Variants in KCNB2 observed in about 807,000 individuals in gnomAD.
KCNB2 encodes delayed rectifier potassium channel protein.
Under a neutral mutation model 61.5 loss-of-function variants are expected in KCNB2, and 15 were observed. The observed-to-expected ratio is 0.24, with a 90% confidence interval of 0.16 to 0.38. KCNB2 has a LOEUF of 0.38. Among genes scored for constraint, KCNB2 ranks in the 10% least tolerant of loss-of-function variants. The pLI is 1.00. For synonymous variants in KCNB2, 457 were observed against 446.0 expected (o/e 1.02, Z -0.31); for missense variants, 828 against 1,125.2 (o/e 0.74, Z 3.78).
chr8:72,728,108 G>A (rs1209315936), intron 2 of KCNB2, among the ~76,000 whole-genome samples: 1 of 152,172 alleles, frequency 6.6e-6, no homozygotes, highest in Non-Finnish European at 1.5e-5. Context: ...AAACCTTGCA[G>A]AAGAATGGAG....
intron 2 of KCNB2, among the ~76,000 whole-genome samples, chr8:72,844,587 G>T (rs1809954019): frequency 6.6e-6 from 1 of 152,162 alleles, no homozygotes. Flanking sequence ...ATCAAATGTA[G>T]GTTTGGTCTT....
intron 2 of KCNB2, among the ~76,000 whole-genome samples, chr8:72,711,620 T>C (rs2251379): frequency 0.018 from 2,793 of 152,270 alleles, 52 homozygotes; most frequent in Non-Finnish European, 0.029. Context: ...ACAAAGATGG[T>C]GCACAGGGTT....
At chr8:72,836,816 T>C (rs1367738098) in intron 2 of KCNB2, among the ~76,000 whole-genome samples, 1 of 152,104 alleles carries the variant, frequency 6.6e-6, no homozygotes, top group East Asian at 1.9e-4. Flanking sequence ...GGGGATGTGG[T>C]AGGAGAATCC....
At chr8:72,564,659 C>T (rs1023573890) in intron 1 of KCNB2, among the ~76,000 whole-genome samples, 8 of 152,086 alleles carry the variant, frequency 5.3e-5, no homozygotes, top group African/African-American at 1.9e-4. Context: ...TTCATCATCA[C>T]CTGAATATAA....
At chr8:72,743,057 G>A (rs1304687111) in intron 2 of KCNB2, among the ~76,000 whole-genome samples, 2 of 152,132 alleles carry the variant, frequency 1.3e-5, no homozygotes, top group East Asian at 3.9e-4. Flanking sequence ...TATTTTTAAT[G>A]AAGTGCAGTC....
intron 2 of KCNB2, among the ~76,000 whole-genome samples, chr8:72,669,838 T>A (rs1806534283): frequency 6.6e-6 from 1 of 152,208 alleles, no homozygotes; most frequent in South Asian, 2.1e-4. Context: ...CCTCGTTGCC[T>A]ACTTTTTCCA....
intron 2 of KCNB2, among the ~76,000 whole-genome samples, chr8:72,725,565 G>GTATATA (rs111953660): frequency 2.1e-5 from 1 of 47,976 alleles, no homozygotes; most frequent in African/African-American, 6.7e-5. Context: ...ATGTATATAT[G>GTATATA]TATATATATG....
intron 2 of KCNB2, among the ~76,000 whole-genome samples, chr8:72,675,379 C>A (rs1806635353): frequency 2.0e-5 from 3 of 151,586 alleles, no homozygotes; most frequent in African/African-American, 7.3e-5. Flanking sequence ...GACTATCTGA[C>A]AATATAATAG....
At chr8:72,680,948 C>T (rs1049651771) in intron 2 of KCNB2, among the ~76,000 whole-genome samples, 4 of 152,018 alleles carry the variant, frequency 2.6e-5, no homozygotes, top group Non-Finnish European at 5.9e-5. Flanking sequence ...ATTAAGTGTC[C>T]GATATGTGCT....
intron 2 of KCNB2, among the ~76,000 whole-genome samples, chr8:72,789,705 T>C (rs777138691): frequency 1.3e-4 from 20 of 151,874 alleles, no homozygotes; most frequent in Non-Finnish European, 2.4e-4. Context: ...TAAAATGAAA[T>C]AAGTTTTGTA....
intron 2 of KCNB2, among the ~76,000 whole-genome samples, chr8:72,601,038 C>T (rs1228037154): frequency 6.6e-6 from 1 of 151,524 alleles, no homozygotes; most frequent in East Asian, 1.9e-4. Flanking sequence ...GTTCTACTCA[C>T]AACCATTTCT....
intron 2 of KCNB2, among the ~76,000 whole-genome samples, chr8:72,888,215 A>C (rs1805837760): frequency 6.6e-6 from 1 of 151,998 alleles, no homozygotes; most frequent in Admixed American, 6.6e-5. Context: ...TGATTCTCCC[A>C]CCACAGCCTC....
At chr8:72,835,825 C>T (rs1809771755) in intron 2 of KCNB2, among the ~76,000 whole-genome samples, 2 of 152,254 alleles carry the variant, frequency 1.3e-5, no homozygotes, top group East Asian at 1.9e-4. Flanking sequence ...TCTCTCCTTC[C>T]GCAATCCTAC....
intron 2 of KCNB2, among the ~76,000 whole-genome samples, chr8:72,922,429 G>A (rs1806542253): frequency 6.6e-6 from 1 of 152,208 alleles, no homozygotes; most frequent in South Asian, 2.1e-4. Context: ...AAATACCTTA[G>A]ACTGTGTAAT....
At chr8:72,580,671 T>C (rs551471867) in intron 2 of KCNB2, among the ~76,000 whole-genome samples, 3 of 152,306 alleles carry the variant, frequency 2.0e-5, no homozygotes, top group African/African-American at 7.2e-5. Flanking sequence ...CATTTCCCAC[T>C]AAATCTACAT....
rs942754167 is a variant in KCNB2, at chr8:72,836,883, C to T, written c.580-99052C>T. ...CATGTTTGTGCCACTACACTCCAGC[C>T]TGGGTGAAAGAGTGGGACTTTGTCT... On this transcript the variant is annotated intron_variant, in intron 2 of 2. Coordinates refer to ENST00000523207, the MANE Select transcript of KCNB2 (RefSeq NM_004770.3). 1.3e-5 allele frequency among the ~76,000 whole-genome samples: 2 copies of T among 152,214 alleles called. 1 individual carries two copies.
At chr8:72,814,972 G>C (rs529487769) in intron 2 of KCNB2, among the ~76,000 whole-genome samples, 4 of 152,130 alleles carry the variant, frequency 2.6e-5, no homozygotes, top group African/African-American at 9.7e-5. Context: ...AAACAAAGCA[G>C]AGCCAAGCAA....
chr8:72,715,961 A>G (rs2128992279), intron 2 of KCNB2, among the ~76,000 whole-genome samples: 1 of 152,358 alleles, frequency 6.6e-6, no homozygotes. Context: ...TAGATGCAAT[A>G]AAAAATGACA....
At chr8:72,703,705 A>C (rs1008092779) in intron 2 of KCNB2, among the ~76,000 whole-genome samples, 112 of 152,118 alleles carry the variant, frequency 7.4e-4, no homozygotes, top group African/African-American at 2.7e-3. Context: ...TACTATAAAG[A>C]ATAGCTACTC....
Sources: allele counts gnomAD v4.1 joint callset (sites outside exome capture counted in the v4.1 genomes callset), GRCh38; gene constraint gnomAD v4.1.1; transcripts MANE v1.5; gene names NCBI Gene and HGNC (gene_info 2026-07-23, HGNC 2026-07-21).